TBC1D31: variants seen among roughly 807,000 people sequenced by gnomAD.
TBC1D31 encodes the protein WD repeat domain 67.
TBC1D31 carries 99 observed loss-of-function variants against 132.9 expected under a neutral mutation model. The observed-to-expected ratio is 0.74, with a 90% CI of 0.63 to 0.88. TBC1D31 has a LOEUF of 0.88. Among genes scored for constraint, TBC1D31 ranks in the 40% least tolerant of loss-of-function variants. TBC1D31 has a pLI of 0.00. For synonymous variants in TBC1D31, 385 were observed against 419.4 expected (o/e 0.92, Z 1.00); for missense variants, 1,134 against 1,256.6 (o/e 0.90, Z 1.48).
intron 21 of TBC1D31, 96 bp from the exon 22 acceptor site, chr8:123,151,710 T>A: frequency 7.9e-7 from 1 of 1,269,716 alleles, no homozygotes; most frequent in Non-Finnish European, 1.0e-6. Flanking sequence ...CATTTCATTA[T>A]TTGTTTTTAC....
chr8:123,109,248 A>G, intron 8 of TBC1D31, 69 bp from the exon 9 acceptor site: 4 of 1,127,560 alleles, frequency 3.5e-6, no homozygotes, highest in Non-Finnish European at 5.2e-6. Context: ...ACTGTGGACT[A>G]GATTACCTTT....
chr8:123,091,432 T>TA (rs1816310899), intron 4 of TBC1D31, among the ~76,000 whole-genome samples: 1 of 152,220 alleles, frequency 6.6e-6, no homozygotes, highest in Non-Finnish European at 1.5e-5. Flanking sequence ...AACAGTGTTC[T>TA]AATGCGTTCA....
chr8:123,125,946 A>G, intron 11 of TBC1D31, 110 bp from the exon 12 acceptor site: 1 of 721,924 alleles, frequency 1.4e-6, no homozygotes, highest in Non-Finnish European at 2.0e-6. Flanking sequence ...TTTTTTTATT[A>G]TTCATGGACA....
chr8:123,105,339 A>T lies in TBC1D31; in HGVS notation c.1084A>T (p.Ser362Cys). ...TGAAGATTTGCCCAAGAATAAACTG[A>T]GTTCCAGTGATCTTAAGATGAAAGT... Reference protein sequence around the residue: ...VIEDLPKNKLSSSDLKMKVTS... With the variant: ...VIEDLPKNKLCSSDLKMKVTS... Residue 362 changes from serine (S) to cysteine (C), a missense_variant, in exon 8 of 22, where the codon AGT becomes TGT. Coordinates refer to ENST00000287380, the MANE Select transcript of TBC1D31 (RefSeq NM_145647.4). The T allele has an allele frequency of 6.2e-7, 1 of 1,606,254 alleles. No individual in the cohort carries two copies. Among genetic ancestry groups the T allele is most frequent in the Non-Finnish European group, 8.5e-7 (1 of 1,175,776 alleles).
At chr8:123,138,160 CTA>C (rs1821278256) in intron 17 of TBC1D31, among the ~76,000 whole-genome samples, 1 of 152,064 alleles carries the variant, frequency 6.6e-6, no homozygotes, top group Admixed American at 6.6e-5. Context: ...AGCTAAAATT[CTA>C]TGTTCTGCTT....
chr8:123,120,707 TG>T (rs1480135761), intron 11 of TBC1D31, among the ~76,000 whole-genome samples: 31 of 152,064 alleles, frequency 2.0e-4, no homozygotes, highest in African/African-American at 7.5e-4. Context: ...AATAATTTAT[TG>T]TCTGCATAAT....
chr8:123,114,940 A>T (rs765902381), intron 10 of TBC1D31, among the ~76,000 whole-genome samples: 1 of 152,202 alleles, frequency 6.6e-6, no homozygotes, highest in Non-Finnish European at 1.5e-5. Flanking sequence ...ATGTAGGTTT[A>T]CTTCTTTCTA....
Position 123,134,120 on chromosome 8 carries a change from A to T in TBC1D31, c.2413A>T (p.Met805Leu). ...GTTTGTTGTTTGGCCATAGGTATAT[A>T]TGAGAGATCGAGAAATTGCTGCCAC... ...LDDEIGRKVYMRDREIAATAR... is the reference protein window; with the variant it reads ...LDDEIGRKVYLRDREIAATAR... Residue 805 changes from methionine (M) to leucine (L), a missense_variant, in exon 17 of 22, where the codon ATG (methionine) becomes TTG (leucine). Physicochemically the swap from Met to Leu is conservative, Grantham distance 15. Transcript: ENST00000287380. 1 of 1,613,438 alleles carries T rather than the reference A, an allele frequency of 6.2e-7. No individual in the cohort carries two copies. The highest frequency in any genetic ancestry group is 8.5e-7 in the Non-Finnish European group (1 of 1,179,410).
At chr8:123,157,242 G>A in the TBC1D31 span, among the ~76,000 whole-genome samples, 17 of 152,188 alleles carry the variant, frequency 1.1e-4, no homozygotes, top group Admixed American at 4.6e-4. Flanking sequence ...CCCCGTGTGA[G>A]GATCGAACTC....
Position 123,084,181 on chromosome 8 carries a change from C to T in TBC1D31, c.360C>T (p.Ser120=), listed in dbSNP as rs2129888535. ...CFDTVTKELV[S]WMRGHESSVF... ...CCACAGTCACCAAGGAGCTAGTTAG[C>T]TGGATGAGAGGACATGAATCATCAG... The change falls in exon 4 of 22, where the codon AGC becomes AGT. Residue 120 remains serine (S), a synonymous_variant. Transcript: ENST00000287380. 1 of 1,614,028 alleles carries T rather than the reference C, an allele frequency of 6.2e-7. No individual in the cohort carries two copies. The highest frequency in any genetic ancestry group is 8.5e-7 in the Non-Finnish European group (1 of 1,179,954).
chr8:123,157,555 G>A, the TBC1D31 span, among the ~76,000 whole-genome samples: 1 of 152,098 alleles, frequency 6.6e-6, no homozygotes, highest in African/African-American at 2.4e-5. Context: ...TTTTTGTGTA[G>A]TGCGTACAAA....
At chr8:123,108,120 C>G (rs1818107191) in intron 8 of TBC1D31, among the ~76,000 whole-genome samples, 1 of 152,160 alleles carries the variant, frequency 6.6e-6, no homozygotes, top group South Asian at 2.1e-4. Flanking sequence ...ATTGGACTAC[C>G]TGTTTCTTCT....
At chr8:123,094,408 T>C (rs1816649258) in intron 5 of TBC1D31, among the ~76,000 whole-genome samples, 1 of 152,130 alleles carries the variant, frequency 6.6e-6, no homozygotes, top group Non-Finnish European at 1.5e-5. Flanking sequence ...AATGCATTGT[T>C]TGAAGCAAAA....
intron 5 of TBC1D31, among the ~76,000 whole-genome samples, chr8:123,094,351 C>T (rs911759160): frequency 9.2e-5 from 14 of 151,498 alleles, no homozygotes; most frequent in Admixed American, 3.3e-4. Context: ...CATGAGCCAC[C>T]GTGCCCGGCC....
intron 17 of TBC1D31, among the ~76,000 whole-genome samples, chr8:123,135,196 G>A (rs994699262): frequency 6.6e-6 from 1 of 152,136 alleles, no homozygotes; most frequent in Non-Finnish European, 1.5e-5. Context: ...CACCACGCCT[G>A]GCCTGTAAAG....
intron 7 of TBC1D31, chr8:123,102,323 A>T (rs1817511556): frequency 2.2e-6 from 1 of 452,902 alleles, no homozygotes; most frequent in African/African-American, 2.0e-5. Context: ...CCAAGATTAC[A>T]TGAGATTGGG....
intron 13 of TBC1D31, 160 bp from the exon 14 acceptor site, chr8:123,128,121 G>C (rs1201511326): frequency 2.2e-6 from 1 of 444,626 alleles, no homozygotes; most frequent in East Asian, 3.4e-5. Flanking sequence ...TAAATAAATT[G>C]TCTTTGTTGT....
At chr8:123,092,808 A>ATTTTTTTTTT (rs71573666) in intron 4 of TBC1D31, among the ~76,000 whole-genome samples, 8,837 of 102,774 alleles carry the variant, frequency 0.086, 734 homozygotes, top group Non-Finnish European at 0.12. Context: ...CACCCGGCTA[A>ATTTTTTTTTT]TTTTTTTTTT....
At chr8:123,083,379 T>G (rs906722404) in intron 3 of TBC1D31, 2 of 152,356 alleles carry the variant, frequency 1.3e-5, no homozygotes, top group Admixed American at 1.3e-4. Flanking sequence ...TATCAGTATC[T>G]CACACTGATA....
Sources: allele counts gnomAD v4.1 joint callset (sites outside exome capture counted in the v4.1 genomes callset), GRCh38; gene constraint gnomAD v4.1.1; transcripts MANE v1.5; gene names NCBI Gene and HGNC (gene_info 2026-07-23, HGNC 2026-07-21).